The following PIK3R3 variants were observed in gnomAD, a reference collection of about 807,000 sequenced individuals.
PIK3R3 encodes the protein phosphatidylinositol 3-kinase regulatory subunit gamma.
A neutral mutation model predicts 62.9 loss-of-function variants in PIK3R3; 64 were observed. The ratio of observed to expected loss-of-function variants is 1.02; its 90% confidence interval spans 0.83 to 1.25. The LOEUF (loss-of-function observed/expected upper bound fraction) is 1.25, where lower values mean the gene tolerates loss of function less well. Ranked by LOEUF, PIK3R3 falls within the 50% of genes most tolerant of loss-of-function variation. The pLI is 0.00. For synonymous variants in PIK3R3, 165 were observed against 189.0 expected (o/e 0.87, Z 1.04); for missense variants, 614 against 561.6 (o/e 1.09, Z -0.94).
chr1:46,046,336 G>A (rs1022686798), intron 8 of PIK3R3, among the ~76,000 whole-genome samples: 5 of 152,082 alleles, frequency 3.3e-5, no homozygotes, highest in African/African-American at 1.2e-4. Flanking sequence ...TATACTCAAA[G>A]TAGCTTACAC....
chr1:46,113,667 G>A (rs148973818), intron 1 of PIK3R3, among the ~76,000 whole-genome samples: 114 of 152,188 alleles, frequency 7.5e-4, no homozygotes, highest in Non-Finnish European at 1.0e-3. Flanking sequence ...AGGCTGTTAC[G>A]TCTCCTACTC....
At chr1:46,115,767 AC>A (rs2149460935) in intron 1 of PIK3R3, among the ~76,000 whole-genome samples, 1 of 152,340 alleles carries the variant, frequency 6.6e-6, no homozygotes, top group Non-Finnish European at 1.5e-5. Flanking sequence ...ATCCTCTACC[AC>A]AGATAAGTGT....
chr1:46,164,425 C>A, the PIK3R3 span, among the ~76,000 whole-genome samples: 633 of 152,326 alleles, frequency 4.2e-3, 1 homozygote, highest in Admixed American at 7.4e-3. Flanking sequence ...GGCATTACCA[C>A]AGCCTCCTCT....
At chr1:46,070,183 T>C (rs1469900901) in intron 3 of PIK3R3, among the ~76,000 whole-genome samples, 2 of 152,180 alleles carry the variant, frequency 1.3e-5, no homozygotes, top group East Asian at 1.9e-4. Context: ...AATGACTCAA[T>C]AGACAAAAAT....
chr1:46,118,172 T>C (rs1339847950), intron 1 of PIK3R3, among the ~76,000 whole-genome samples: 1 of 152,230 alleles, frequency 6.6e-6, no homozygotes, highest in African/African-American at 2.4e-5. Context: ...TATTAAAGCA[T>C]ATATAGCATA....
intron 7 of PIK3R3, among the ~76,000 whole-genome samples, chr1:46,051,756 C>T (rs1399281227): frequency 2.6e-5 from 4 of 152,098 alleles, no homozygotes; most frequent in African/African-American, 4.8e-5. Context: ...GGAATAGTTC[C>T]AAGACAACCA....
the PIK3R3 span, among the ~76,000 whole-genome samples, chr1:46,154,767 C>T: frequency 6.6e-6 from 1 of 152,060 alleles, no homozygotes; most frequent in Non-Finnish European, 1.5e-5. Flanking sequence ...TTTGATAGGC[C>T]TCAGGTTCTT....
intron 7 of PIK3R3, among the ~76,000 whole-genome samples, chr1:46,047,577 T>G (rs2149374816): frequency 6.6e-6 from 1 of 151,944 alleles, no homozygotes; most frequent in Non-Finnish European, 1.5e-5. Context: ...TAGAGTGGAG[T>G]GGAAAGCATC....
At chr1:46,170,454 C>T in the PIK3R3 span, among the ~76,000 whole-genome samples, 2 of 152,092 alleles carry the variant, frequency 1.3e-5, no homozygotes, top group Non-Finnish European at 2.9e-5. Flanking sequence ...AAGTCTAGCT[C>T]TCGTCCCCCA....
At chr1:46,076,723 A>C (rs576009096) in intron 3 of PIK3R3, among the ~76,000 whole-genome samples, 1 of 152,178 alleles carries the variant, frequency 6.6e-6, no homozygotes, top group Non-Finnish European at 1.5e-5. Context: ...CTTTCTAACT[A>C]TGTGACTTTA....
At chr1:46,082,036 G>A (rs1190235920) in intron 1 of PIK3R3, among the ~76,000 whole-genome samples, 5 of 151,988 alleles carry the variant, frequency 3.3e-5, no homozygotes, top group South Asian at 2.1e-4. Flanking sequence ...AACAAAGATC[G>A]ATGAGGACCA....
chr1:46,124,965 G>A (rs1654972125), intron 1 of PIK3R3, among the ~76,000 whole-genome samples: 2 of 152,012 alleles, frequency 1.3e-5, no homozygotes, highest in Admixed American at 6.6e-5. Flanking sequence ...TGGGTGTGGT[G>A]GTACACACCT....
chr1:46,099,943 A>G (rs1235064914), intron 1 of PIK3R3, among the ~76,000 whole-genome samples: 1 of 152,214 alleles, frequency 6.6e-6, no homozygotes. Context: ...AAGAAGTTGA[A>G]CACCTTTTCA....
intron 6 of PIK3R3, among the ~76,000 whole-genome samples, chr1:46,060,560 C>G (rs1175088176): frequency 2.0e-5 from 3 of 152,204 alleles, no homozygotes; most frequent in African/African-American, 7.2e-5. Context: ...ACTTAATTCT[C>G]TAGCATTCCA....
At chr1:46,145,655 A>G in the PIK3R3 span, among the ~76,000 whole-genome samples, 1 of 152,190 alleles carries the variant, frequency 6.6e-6, no homozygotes, top group Non-Finnish European at 1.5e-5. Flanking sequence ...CCATGACCCA[A>G]ACACCTCCCA....
At chr1:46,147,002 A>G in the PIK3R3 span, among the ~76,000 whole-genome samples, 1 of 152,128 alleles carries the variant, frequency 6.6e-6, no homozygotes, top group Non-Finnish European at 1.5e-5. Flanking sequence ...CTGGGAAACA[A>G]ATGGGCAGGG....
chr1:46,109,982 C>A (rs1024041760), intron 1 of PIK3R3, among the ~76,000 whole-genome samples: 12 of 152,190 alleles, frequency 7.9e-5, no homozygotes, highest in African/African-American at 2.7e-4. Context: ...TTCCCACAGG[C>A]ACCTTTCACC....
intron 3 of PIK3R3, among the ~76,000 whole-genome samples, chr1:46,068,000 C>T (rs141675612): frequency 1.4e-4 from 22 of 152,302 alleles, no homozygotes; most frequent in Non-Finnish European, 2.4e-4. Context: ...TACAGCAGCA[C>T]GCAGGCTTAT....
At chr1:46,130,359 AG>A (rs1305005434) in intron 1 of PIK3R3, among the ~76,000 whole-genome samples, 2 of 152,196 alleles carry the variant, frequency 1.3e-5, no homozygotes, top group East Asian at 1.9e-4. Context: ...GGGGAAACAA[AG>A]GGGGAAAGAC....
Sources: allele counts gnomAD v4.1 joint callset (sites outside exome capture counted in the v4.1 genomes callset), GRCh38; gene constraint gnomAD v4.1.1; transcripts MANE v1.5; gene names NCBI Gene and HGNC (gene_info 2026-07-23, HGNC 2026-07-21).